The following MYO1A variants were observed in gnomAD, a reference collection of about 807,000 sequenced individuals.
MYO1A encodes myosin IA.
In MYO1A, 127 loss-of-function variants were observed where a neutral mutation model predicts 138.5. The ratio of observed to expected loss-of-function variants is 0.92; its 90% CI spans 0.79 to 1.06. The LOEUF (loss-of-function observed/expected upper bound fraction) is 1.06, where lower values mean the gene tolerates loss of function less well. MYO1A is among the 50% of genes least tolerant of loss of function. MYO1A has a pLI of 0.00. For missense variants in MYO1A, 1,211 were observed against 1,288.8 expected, an observed-to-expected ratio of 0.94 and a Z score of 0.92; for synonymous variants, 477 against 497.5, an observed-to-expected ratio of 0.96 and a Z score of 0.55.
rs748961538 is a variant in MYO1A, at chr12:57,038,875, A to G, written c.1467T>C (p.Asn489=). 6.2e-7 allele frequency: 1 copy of G among 1,614,174 alleles called. No homozygotes were observed. The highest frequency in any genetic ancestry group is 8.5e-7 in the Non-Finnish European group (1 of 1,180,052). The change falls in exon 16 of 28, where the codon AAT becomes AAC. Residue 489 remains asparagine, a synonymous_variant. Transcript: ENST00000300119. ...TGGTGTGGTCATACTGACGCTGGGCATTCTGGGTGACTTTGCTCTCGTAGT... is the reference window on the plus strand; with the variant it reads ...TGGTGTGGTCATACTGACGCTGGGCGTTCTGGGTGACTTTGCTCTCGTAGT... ...HGHYESKVTQ[N]AQRQYDHTMG... is the part of the protein sequence containing the mutation.
Position 57,028,725 on chromosome 12 carries a change from C to G in MYO1A, c.*30G>C. On this transcript the variant is annotated 3_prime_UTR_variant, in exon 28 of 28. Transcript: ENST00000300119. Reference sequence around the variant, plus strand: ...GGATTAGTGCTGGTTCAGGAGGAAGCAACTGCCATCTCTGCATGGTGCCCC... The same window carrying G: ...GGATTAGTGCTGGTTCAGGAGGAAGGAACTGCCATCTCTGCATGGTGCCCC... 1 of 1,613,012 alleles carries G rather than the reference C, an allele frequency of 6.2e-7. No homozygotes were observed. Among genetic ancestry groups the G allele is most frequent in the Non-Finnish European group, 8.5e-7 (1 of 1,179,434 alleles).
Position 57,046,637 on chromosome 12 carries a change from T to C in MYO1A, c.555A>G (p.Lys185=). 1 of 1,613,972 alleles carries C rather than the reference T, an allele frequency of 6.2e-7. No individual in the cohort carries two copies. Among genetic ancestry groups the C allele is most frequent in the Non-Finnish European group, 8.5e-7 (1 of 1,179,900 alleles). Residue 185 remains lysine, a synonymous_variant, in exon 8 of 28, where the codon AAA becomes AAG. Transcript: ENST00000300119. ...CTTTGAGCTGCTTCACTAATCGGGA[T>C]TTCTCAAGCAGATCTGGCAGAGAAT... is the stretch of plus-strand genomic sequence containing the variant. The part of the protein sequence containing the change: ...GGVITNYLLE[K]SRLVKQLKGE...
chr12:57,047,461 C>A (rs774650832), intron 4 of MYO1A, 54 bp from the exon 5 acceptor site: 4 of 1,569,646 alleles, frequency 2.5e-6, no homozygotes, highest in Non-Finnish European at 3.5e-6. Context: ...CCCATCCCCC[C>A]ACCTCCTTAA....
intron 14 of MYO1A, among the ~76,000 whole-genome samples, chr12:57,040,561 A>G (rs947839609): frequency 6.6e-6 from 1 of 152,210 alleles, no homozygotes; most frequent in African/African-American, 2.4e-5. Context: ...CAAAACAACT[A>G]AAAAAACTTT....
At position 57,039,023 on chromosome 12, in the gene MYO1A, A is replaced by G; in HGVS notation, c.1333-14T>C. ...ACCTCGCTGATTCTGGGCCGGGGGA[A>G]CAAAAGAAGCCCAACCTAAATCTGG... On this transcript the variant is annotated splice_polypyrimidine_tract_variant and intron_variant, in intron 15 of 27. Coordinates refer to ENST00000300119, the MANE Select transcript of MYO1A (RefSeq NM_005379.4). 1 of 1,610,870 alleles carries G rather than the reference A, an allele frequency of 6.2e-7. No homozygotes were observed. The highest frequency in any genetic ancestry group is 8.5e-7 in the Non-Finnish European group (1 of 1,178,334).
At chr12:57,047,039 A>G in intron 6 of MYO1A, 22 bp downstream of exon 6, 1 of 1,613,950 alleles carries the variant, frequency 6.2e-7, no homozygotes, top group Non-Finnish European at 8.5e-7. Context: ...CTCTCTTCCC[A>G]GGTGGGGAGA....
intron 17 of MYO1A, 122 bp from the exon 18 acceptor site, chr12:57,038,191 C>A: frequency 8.1e-7 from 1 of 1,228,868 alleles, no homozygotes; most frequent in South Asian, 1.2e-5. Flanking sequence ...AAAGTAGACA[C>A]ACTGGCCTCC....
At position 57,037,477 on chromosome 12, in the gene MYO1A, C is replaced by G. The variant is rs983484362; in HGVS notation, c.2055+71G>C. ...TTCCAGGTTATACACGCTCCCTCCC[C>G]CTCCAGCCTTTCTCAGGTGGGCTCT... On this transcript the variant is annotated intron_variant, in intron 19 of 27. Coordinates refer to ENST00000300119, the MANE Select transcript of MYO1A (RefSeq NM_005379.4). The G allele has an allele frequency of 7.1e-5, 95 of 1,336,506 alleles. 1 individual carries two copies. The East Asian group carries it at 2.0e-3, about 28-fold the overall frequency. 82.8% of individuals were successfully genotyped at this position (1,336,506 alleles called of 1,614,324 possible).
At position 57,039,269 on chromosome 12, in the gene MYO1A, T is replaced by C; in HGVS notation, c.1275A>G (p.Ile425Met). Reference sequence around the variant, plus strand: ...CAAAGTAGTCCACCTTTGTCCACGGTATGCCCTGGTCAGGGGAGACAACAA... The same window carrying C: ...CAAAGTAGTCCACCTTTGTCCACGGCATGCCCTGGTCAGGGGAGACAACAA... The part of the protein sequence containing the change: ...EEQEEYKREG[I>M]PWTKVDYFDN... The change falls in exon 15 of 28, where the codon ATA (isoleucine) becomes ATG (methionine). Residue 425 changes from isoleucine to methionine, a missense_variant. Transcript: ENST00000300119. The C allele has an allele frequency of 6.2e-7, 1 of 1,613,706 alleles. No homozygotes were observed. Among genetic ancestry groups the C allele is most frequent in the South Asian group, 1.1e-5 (1 of 91,070 alleles).
intron 25 of MYO1A, 49 bp from the exon 26 acceptor site, chr12:57,029,636 C>A (rs2030169473): frequency 6.2e-7 from 1 of 1,614,098 alleles, no homozygotes; most frequent in Non-Finnish European, 8.5e-7. Flanking sequence ...TAATTGCCCC[C>A]ACTCCACCTG....
At chr12:57,031,620 A>G (rs2030292110) in intron 22 of MYO1A, among the ~76,000 whole-genome samples, 1 of 152,180 alleles carries the variant, frequency 6.6e-6, no homozygotes, top group Non-Finnish European at 1.5e-5. Flanking sequence ...CATTCAAAGG[A>G]AGAAGGAGCA....
chr12:57,029,000 G>A, intron 27 of MYO1A, 119 bp from the exon 28 acceptor site: 1 of 1,588,938 alleles, frequency 6.3e-7, no homozygotes, highest in Non-Finnish European at 8.6e-7. Flanking sequence ...GAACCTGGGT[G>A]GGGGCCTGAG....
chr12:57,045,474 G>T (rs2031056125), intron 8 of MYO1A, among the ~76,000 whole-genome samples: 1 of 152,118 alleles, frequency 6.6e-6, no homozygotes, highest in South Asian at 2.1e-4. Context: ...ATCTAGAGTT[G>T]ATTTAAACCA....
At chr12:57,034,957 ACT>A (rs904295421) in intron 22 of MYO1A, among the ~76,000 whole-genome samples, 7 of 152,104 alleles carry the variant, frequency 4.6e-5, no homozygotes. Flanking sequence ...CAAGAGTGAA[ACT>A]CTGTCTCAAA....
At chr12:57,029,098 T>C in intron 27 of MYO1A, 34 bp downstream of exon 27, 1 of 1,614,020 alleles carries the variant, frequency 6.2e-7, no homozygotes, top group Non-Finnish European at 8.5e-7. Flanking sequence ...CCATCTACCG[T>C]AAGCCGCCCC....
rs142830604 is a variant in MYO1A at position 57,030,361 on chromosome 12, G to T, written c.2485-45C>A. The T allele has an allele frequency of 5.3e-3, 7,626 of 1,434,738 alleles. 58 individuals are homozygous for T. Among genetic ancestry groups the T allele is most frequent in the Middle Eastern group, 7.2e-3 (41 of 5,724 alleles). The allele number at this position is 1,434,738 out of a possible 1,614,324, so 88.9% of individuals were successfully genotyped here. ...GGAGCTAAAATCATAGAGTGGGAGG[G>T]CAGGGCTGGGGAGGGAGGTGAGAAA... On this transcript the variant is annotated intron_variant, in intron 23 of 27. Coordinates refer to ENST00000300119, the MANE Select transcript of MYO1A (RefSeq NM_005379.4).
rs1327740665 is a variant in MYO1A at position 57,038,479 on chromosome 12, C to T, written c.1693G>A (p.Ala565Thr). ...ASLKRPPTAG[A>T]QFKSSVAILM... is the part of the protein sequence containing the mutation. ...ATGGCCACAGAACTCTTGAACTGGG[C>T]CCCAGCAGTCGGGGGGCGTTTGAGA... Residue 565 changes from alanine (A) to threonine (T), a missense_variant, in exon 17 of 28, where the codon GCC (alanine) becomes ACC (threonine). Ala to Thr is a moderately conservative substitution (Grantham distance 58, BLOSUM62 0). Transcript: ENST00000300119. 3 of 1,614,086 alleles carry T rather than the reference C, an allele frequency of 1.9e-6. No individual in the cohort carries two copies. The highest frequency in any genetic ancestry group is 2.5e-6 in the Non-Finnish European group (3 of 1,180,052).
chr12:57,036,490 C>G, intron 21 of MYO1A, 109 bp from the exon 22 acceptor site: 1 of 1,171,248 alleles, frequency 8.5e-7, no homozygotes, highest in South Asian at 1.2e-5. Flanking sequence ...AGAGCTGAGA[C>G]TGTAGCTGGA....
In MYO1A at chr12:57,035,977, C is replaced by T. The variant is rs575531748; in HGVS notation, c.2349+330G>A. ...CACTCTACTCTTCAATGAGGCTTAGCCTCTTCAACAGTTGTTAAACATCCA... is the reference window on the plus strand; with the variant it reads ...CACTCTACTCTTCAATGAGGCTTAGTCTCTTCAACAGTTGTTAAACATCCA... On this transcript the variant is annotated intron_variant, in intron 22 of 27. Transcript: ENST00000300119. Among the ~76,000 whole-genome samples the T allele has an allele frequency of 2.0e-5, 3 of 152,228 alleles. No individual in the cohort carries two copies. The East Asian group carries it at 5.8e-4, about 29-fold the overall frequency.
Sources: allele counts gnomAD v4.1 joint callset (sites outside exome capture counted in the v4.1 genomes callset), GRCh38; gene constraint gnomAD v4.1.1; transcripts MANE v1.5; gene names NCBI Gene and HGNC (gene_info 2026-07-23, HGNC 2026-07-21).